Variants in NEDD4 observed in about 807,000 individuals in gnomAD.
The protein encoded by NEDD4 is E3 ubiquitin-protein ligase NEDD4.
A neutral mutation model predicts 144.9 loss-of-function variants in NEDD4; 99 were observed. The ratio of observed to expected loss-of-function variants is 0.68; its 90% CI spans 0.58 to 0.81. The LOEUF (loss-of-function observed/expected upper bound fraction) is 0.81, where lower values mean the gene tolerates loss of function less well. Ranked by LOEUF, NEDD4 falls within the 30% of genes least tolerant of loss-of-function variation. NEDD4 has a pLI of 0.00. For synonymous variants in NEDD4, 318 were observed against 350.6 expected (o/e 0.91, Z 1.04); for missense variants, 985 against 1,065.9 (o/e 0.92, Z 1.06).
intron 25 of NEDD4, 21 bp downstream of exon 25, chr15:55,834,206 A>C: frequency 6.2e-7 from 1 of 1,609,904 alleles, no homozygotes; most frequent in Non-Finnish European, 8.5e-7. Flanking sequence ...TTCTGTTTCA[A>C]CATAAAATGT....
intron 21 of NEDD4, among the ~76,000 whole-genome samples, chr15:55,839,128 A>T (rs2033349397): frequency 6.6e-6 from 1 of 151,396 alleles, no homozygotes; most frequent in South Asian, 2.1e-4. Context: ...TCCTTGACTC[A>T]AGTGATCCTC....
intron 5 of NEDD4, among the ~76,000 whole-genome samples, chr15:55,895,259 G>A (rs1474758335): frequency 6.6e-6 from 1 of 152,140 alleles, no homozygotes; most frequent in African/African-American, 2.4e-5. Flanking sequence ...ACTAGGGAAA[G>A]GAAAAGATAA....
chr15:55,883,215 C>G (rs1207291343), intron 5 of NEDD4, among the ~76,000 whole-genome samples: 5 of 152,160 alleles, frequency 3.3e-5, no homozygotes, highest in African/African-American at 1.2e-4. Context: ...CTGAAGAGCC[C>G]TGGGGCCTTG....
chr15:55,913,608 T>A (rs1446660749), intron 5 of NEDD4, among the ~76,000 whole-genome samples: 1 of 151,994 alleles, frequency 6.6e-6, no homozygotes, highest in Non-Finnish European at 1.5e-5. Context: ...TACCAAAAGA[T>A]AGAATCTGCA....
At chr15:55,913,695 A>C (rs1335539977) in intron 5 of NEDD4, among the ~76,000 whole-genome samples, 2 of 152,062 alleles carry the variant, frequency 1.3e-5, no homozygotes, top group African/African-American at 4.8e-5. Context: ...GTAACAGTGG[A>C]TATTTTTAAC....
intron 5 of NEDD4, among the ~76,000 whole-genome samples, chr15:55,893,572 T>G (rs1450238011): frequency 6.6e-6 from 1 of 151,800 alleles, no homozygotes; most frequent in Non-Finnish European, 1.5e-5. Flanking sequence ...CCATTCTATT[T>G]ATAAGACATT....
chr15:55,931,041 C>T (rs12592220), intron 4 of NEDD4, among the ~76,000 whole-genome samples: 20,698 of 151,574 alleles, frequency 0.14, 1,502 homozygotes, highest in East Asian at 0.28. Flanking sequence ...AAAACACGGG[C>T]GTAAAGATAA....
At chr15:55,979,644 C>T (rs577863904) in intron 1 of NEDD4, among the ~76,000 whole-genome samples, 15 of 152,012 alleles carry the variant, frequency 9.9e-5, no homozygotes, top group Middle Eastern at 3.4e-3. Flanking sequence ...TGAGCCACCG[C>T]GCCCGGCGAA....
Position 55,839,988 on chromosome 15 carries a change from AAAAAAAAAAAAATATATATATATATATAT to A in NEDD4, c.2031+430_2031+458del, listed in dbSNP as rs2033399221. On this transcript the variant is annotated intron_variant, in intron 21 of 28. Transcript: ENST00000435532. Reference sequence around the variant, plus strand: ...CACTCTGTCTCAAAAAAAAAAAAAAAAAAAAAAAAAAATATATATATATATATATATATATATATATATATATATATATA... The same window carrying A: ...CACTCTGTCTCAAAAAAAAAAAAAAAATATATATATATATATATATATATA... 9.5e-5 allele frequency among the ~76,000 whole-genome samples: 5 copies of A among 52,358 alleles called. No homozygotes were observed. In the South Asian group the frequency reaches 4.1e-3, roughly 43 times the overall value. The allele number at this position is 52,358 out of a possible 152,430, so 34.3% of individuals were successfully genotyped here. A position where few individuals can be genotyped will look rare whatever the true frequency, so the allele number is the denominator to read the frequency against.
Position 55,848,354 on chromosome 15 carries a change from A to G in NEDD4, c.1542+18T>C. Reference sequence around the variant, plus strand: ...TGAGCGGACAGTCCCATCAGAGCACACTGGCAGAGAGACTTACTGGTCCAG... The same window carrying G: ...TGAGCGGACAGTCCCATCAGAGCACGCTGGCAGAGAGACTTACTGGTCCAG... On this transcript the variant is annotated intron_variant, in intron 17 of 28. Coordinates refer to ENST00000435532, the MANE Select transcript of NEDD4 (RefSeq NM_006154.4). 1 of 1,613,262 alleles carries G rather than the reference A, an allele frequency of 6.2e-7. No individual in the cohort carries two copies. The highest frequency in any genetic ancestry group is 1.3e-5 in the African/African-American group (1 of 75,042).
chr15:55,867,914 G>A (rs2034640108), intron 8 of NEDD4, among the ~76,000 whole-genome samples: 1 of 152,114 alleles, frequency 6.6e-6, no homozygotes, highest in Non-Finnish European at 1.5e-5. Context: ...AAATTAGCCA[G>A]GCATGGTAGC....
At chr15:55,970,729 G>A (rs1215476647) in intron 1 of NEDD4, among the ~76,000 whole-genome samples, 4 of 152,134 alleles carry the variant, frequency 2.6e-5, no homozygotes, top group Admixed American at 2.0e-4. Context: ...CTGGCCTTGG[G>A]GTACCCCCTA....
intron 17 of NEDD4, among the ~76,000 whole-genome samples, chr15:55,847,640 A>G (rs1316014733): frequency 1.3e-5 from 2 of 151,566 alleles, no homozygotes; most frequent in African/African-American, 4.8e-5. Flanking sequence ...TGTGTCTTAC[A>G]TACTGGGCAT....
intron 12 of NEDD4, among the ~76,000 whole-genome samples, chr15:55,855,848 T>C (rs1479793709): frequency 6.6e-6 from 1 of 152,218 alleles, no homozygotes. Context: ...CTGAATTGTA[T>C]GCCGTATGCA....
chr15:55,873,724 A>G (rs1457568135), intron 6 of NEDD4, among the ~76,000 whole-genome samples: 1 of 152,190 alleles, frequency 6.6e-6, no homozygotes, highest in Non-Finnish European at 1.5e-5. Flanking sequence ...TGTTTTCACA[A>G]TGCCAACAAA....
chr15:55,918,562 T>A (rs1468873099), intron 5 of NEDD4, among the ~76,000 whole-genome samples: 1 of 148,210 alleles, frequency 6.7e-6, no homozygotes, highest in African/African-American at 2.5e-5. Flanking sequence ...AGCAAATATG[T>A]AAAACATATA....
intron 2 of NEDD4, among the ~76,000 whole-genome samples, chr15:55,965,103 TAC>T (rs1331743911): frequency 6.6e-6 from 1 of 152,132 alleles, no homozygotes; most frequent in Non-Finnish European, 1.5e-5. Flanking sequence ...CTTTACAAAA[TAC>T]ACAGTCTTAG....
At chr15:55,846,606 C>T (rs144659506) in intron 18 of NEDD4, among the ~76,000 whole-genome samples, 998 of 152,242 alleles carry the variant, frequency 6.6e-3, no homozygotes, top group Non-Finnish European at 0.01. Context: ...AAATCCAGAC[C>T]GTCCTCCAAC....
chr15:55,991,374 A>G (rs1383153229), intron 1 of NEDD4, among the ~76,000 whole-genome samples: 17 of 152,210 alleles, frequency 1.1e-4, no homozygotes, highest in African/African-American at 4.1e-4. Context: ...GGCAAATGAT[A>G]GTGGAGAGGG....
Sources: allele counts gnomAD v4.1 joint callset (sites outside exome capture counted in the v4.1 genomes callset), GRCh38; gene constraint gnomAD v4.1.1; transcripts MANE v1.5; gene names NCBI Gene and HGNC (gene_info 2026-07-23, HGNC 2026-07-21).